CTSO: variants seen among roughly 807,000 people sequenced by gnomAD.
CTSO encodes the protein cathepsin O.
Under a neutral mutation model 42.4 loss-of-function variants are expected in CTSO, and 40 were observed. The observed-to-expected ratio is 0.94, with a 90% CI of 0.73 to 1.23. CTSO has a LOEUF of 1.23. CTSO is among the 50% of genes most tolerant of loss of function. The pLI is 0.00. For missense variants in CTSO, 441 were observed against 396.0 expected (o/e 1.11, Z -0.96); for synonymous variants, 156 against 146.2 (o/e 1.07, Z -0.48).
chr4:155,939,654 A>G, intron 3 of CTSO, 116 bp from the exon 4 acceptor site: 1 of 847,286 alleles, frequency 1.2e-6, no homozygotes, highest in Non-Finnish European at 1.8e-6. Context: ...GAAACCTACA[A>G]AATAAATACG....
intron 1 of CTSO, among the ~76,000 whole-genome samples, chr4:155,951,020 A>G (rs374256453): frequency 9.5e-4 from 144 of 152,302 alleles, no homozygotes; most frequent in African/African-American, 1.7e-3. Context: ...GCAAGCACAT[A>G]TAAGTGGCTC....
Position 155,926,066 on chromosome 4 carries a change from A to C in CTSO, c.936T>G (p.Ile312Met). The C allele has an allele frequency of 6.5e-7, 1 of 1,533,660 alleles. No homozygotes were observed. Among genetic ancestry groups the C allele is most frequent in the African/African-American group, 1.4e-5 (1 of 69,466 alleles). The change falls in exon 8 of 8, where the codon ATT (isoleucine) becomes ATG (methionine). Residue 312 changes from isoleucine (I) to methionine (M), a missense_variant. By Grantham distance (10) the Ile-to-Met change is conservative. Coordinates refer to ENST00000433477, the MANE Select transcript of CTSO (RefSeq NM_001334.3). Reference sequence around the variant, plus strand: ...CAAATATAGAAGAAACGGAATCTGCAATACCTAAGGGAAAAAAAAGGAATT... The same window carrying C: ...CAAATATAGAAGAAACGGAATCTGCCATACCTAAGGGAAAAAAAAGGAATT... Reference protein sequence around the residue: ...HVKMGSNVCGIADSVSSIFV With the variant: ...HVKMGSNVCGMADSVSSIFV
chr4:155,932,010 G>A (rs1488463337), intron 5 of CTSO, among the ~76,000 whole-genome samples: 1 of 151,970 alleles, frequency 6.6e-6, no homozygotes, highest in South Asian at 2.1e-4. Context: ...GTGTTATACT[G>A]TGTCTGAATT....
At chr4:155,934,174 T>C (rs950291407) in intron 5 of CTSO, among the ~76,000 whole-genome samples, 11 of 152,178 alleles carry the variant, frequency 7.2e-5, no homozygotes, top group African/African-American at 2.4e-4. Context: ...TCTCAGATGC[T>C]CCAGCCATGG....
intron 3 of CTSO, among the ~76,000 whole-genome samples, chr4:155,940,458 CT>C (rs1353764773): frequency 1.3e-5 from 2 of 151,918 alleles, no homozygotes; most frequent in African/African-American, 4.8e-5. Flanking sequence ...AACTTTATGG[CT>C]TTAAGTGCTT....
chr4:155,946,592 C>T (rs1336717029), intron 1 of CTSO, among the ~76,000 whole-genome samples: 3 of 152,124 alleles, frequency 2.0e-5, no homozygotes, highest in Non-Finnish European at 2.9e-5. Context: ...ACTTGTTCAA[C>T]CAGGAGCCAA....
Position 155,929,700 on chromosome 4 carries a change from TG to T in CTSO, c.679del (p.Gln227LysfsTer16), listed in dbSNP as rs1236638544. 4 of 1,608,394 alleles carry T rather than the reference TG, an allele frequency of 2.5e-6. No homozygotes were observed. The Admixed American group carries it at 5.1e-5, about 21-fold the overall frequency. On this transcript the variant is annotated frameshift_variant, in exon 6 of 8. Coordinates refer to ENST00000433477, the MANE Select transcript of CTSO (RefSeq NM_001334.3). LOFTEE classifies it high-confidence loss of function. ...AAGTGCTTTTGCCATTTCATCTTCT[TG>T]GTCACTACCAAAAGAGGAAATATTT... ...KGYSAYDFSD[Q>X]EDEMAKALLT...
intron 5 of CTSO, among the ~76,000 whole-genome samples, chr4:155,933,976 T>C (rs758227727): frequency 6.6e-6 from 1 of 152,152 alleles, no homozygotes; most frequent in African/African-American, 2.4e-5. Context: ...CTGCAGAAAT[T>C]TGCGTAAGTA....
intron 2 of CTSO, 21 bp downstream of exon 2, chr4:155,943,135 A>C (rs77933374): frequency 1.4e-6 from 2 of 1,422,632 alleles, no homozygotes; most frequent in Admixed American, 2.0e-5. Context: ...AAACCACCTA[A>C]ATAGCAACAT....
chr4:155,948,068 T>TTTTG (rs1012252034), intron 1 of CTSO, among the ~76,000 whole-genome samples: 1 of 129,734 alleles, frequency 7.7e-6, no homozygotes, highest in Admixed American at 7.7e-5. Flanking sequence ...CCTTCACCTT[T>TTTTG]TTTTTGTTGT....
intron 4 of CTSO, among the ~76,000 whole-genome samples, chr4:155,938,790 CA>C (rs766257819): frequency 2.0e-5 from 3 of 150,384 alleles, no homozygotes; most frequent in Non-Finnish European, 4.4e-5. Flanking sequence ...AAACAAAAAA[CA>C]AAAAAAACAA....
At chr4:155,944,583 G>C (rs1051736884) in intron 1 of CTSO, among the ~76,000 whole-genome samples, 6 of 152,268 alleles carry the variant, frequency 3.9e-5, no homozygotes, top group South Asian at 2.1e-4. Flanking sequence ...GAATGCACAG[G>C]AGAGAATGTG....
chr4:155,935,923 A>G (rs28579541), intron 5 of CTSO, among the ~76,000 whole-genome samples: 64,456 of 151,902 alleles, frequency 0.42, 14,175 homozygotes, highest in East Asian at 0.76. Flanking sequence ...CCCAATGCCA[A>G]CAACTCCTGC....
At chr4:155,929,497 G>A (rs750259093) in intron 6 of CTSO, 45 bp downstream of exon 6, 1 of 1,570,066 alleles carries the variant, frequency 6.4e-7, no homozygotes, top group Non-Finnish European at 8.6e-7. Context: ...TTTGCACTCA[G>A]TGTCCATGCT....
intron 5 of CTSO, among the ~76,000 whole-genome samples, chr4:155,935,964 C>T (rs1743322749): frequency 1.3e-5 from 2 of 152,050 alleles, no homozygotes; most frequent in African/African-American, 4.8e-5. Flanking sequence ...CAGACTAATG[C>T]CTATTATTCT....
chr4:155,940,577 G>A (rs370687686), intron 3 of CTSO, among the ~76,000 whole-genome samples: 73 of 152,292 alleles, frequency 4.8e-4, no homozygotes, highest in African/African-American at 1.6e-3. Context: ...ACACAGGGCA[G>A]CTCATGCCTG....
intron 5 of CTSO, among the ~76,000 whole-genome samples, chr4:155,934,921 G>A (rs1176868477): frequency 6.6e-6 from 1 of 152,162 alleles, no homozygotes; most frequent in Non-Finnish European, 1.5e-5. Context: ...GGGACTGTTG[G>A]CAAGGCATGA....
intron 5 of CTSO, 138 bp from the exon 6 acceptor site, chr4:155,929,843 G>C (rs1414946025): frequency 1.4e-6 from 1 of 700,824 alleles, no homozygotes; most frequent in Admixed American, 3.3e-5. Flanking sequence ...CTAAGTCTGA[G>C]AGACTGGTAG....
At chr4:155,944,611 C>T (rs943414617) in intron 1 of CTSO, among the ~76,000 whole-genome samples, 16 of 152,190 alleles carry the variant, frequency 1.1e-4, no homozygotes, top group Non-Finnish European at 1.6e-4. Context: ...TGAGAATGTG[C>T]CTCCCAGCCT....
Sources: gnomAD v4.1 joint callset for allele counts (sites outside exome capture counted in the v4.1 genomes callset) on GRCh38, gnomAD v4.1.1 for gene constraint, MANE v1.5 for transcripts, NCBI Gene and HGNC (gene_info 2026-07-23, HGNC 2026-07-21) for gene names.